Variants in NRG1 observed in about 807,000 individuals in gnomAD.
NRG1 encodes the protein pro-neuregulin-1, membrane-bound isoform.
Under a neutral mutation model 63.8 loss-of-function variants are expected in NRG1, and 18 were observed. The observed-to-expected ratio is 0.28, with a 90% CI of 0.19 to 0.42. NRG1 has a LOEUF of 0.42. Ranked by LOEUF, NRG1 falls within the 10% of genes least tolerant of loss-of-function variation. The pLI is 1.00. For synonymous variants in NRG1, 302 were observed against 301.3 expected, an observed-to-expected ratio of 1.00 and a Z score of -0.02; for missense variants, 762 against 814.7, an observed-to-expected ratio of 0.94 and a Z score of 0.79.
chr8:31,795,949 G>A (rs1466297619), intron 1 of NRG1, among the ~76,000 whole-genome samples: 1 of 152,166 alleles, frequency 6.6e-6, no homozygotes, highest in African/African-American at 2.4e-5. Flanking sequence ...GCCCTTTGGC[G>A]TATCGTAGAC....
chr8:32,051,711 C>G (rs1822006479), intron 1 of NRG1, among the ~76,000 whole-genome samples: 1 of 151,968 alleles, frequency 6.6e-6, no homozygotes, highest in Non-Finnish European at 1.5e-5. Context: ...ACAACAACAA[C>G]AACAACAAAT....
intron 1 of NRG1, among the ~76,000 whole-genome samples, chr8:32,261,482 T>C (rs1850368682): frequency 1.3e-5 from 2 of 152,080 alleles, no homozygotes; most frequent in Admixed American, 1.3e-4. Context: ...AAGATAGACA[T>C]TGCTGACACA....
intron 2 of NRG1, among the ~76,000 whole-genome samples, chr8:32,597,285 T>A (rs1843524585): frequency 6.6e-6 from 1 of 152,224 alleles, no homozygotes. Flanking sequence ...TACACATTCA[T>A]GAGCAAAGTG....
intron 1 of NRG1, among the ~76,000 whole-genome samples, chr8:32,066,620 A>G (rs4431558): frequency 0.94 from 143,007 of 151,446 alleles, 67,978 homozygotes; most frequent in East Asian, 1. Flanking sequence ...GTCAGGTAGC[A>G]TGATGCCTCC....
At chr8:31,934,024 G>A (rs1261591903) in intron 1 of NRG1, among the ~76,000 whole-genome samples, 1 of 152,102 alleles carries the variant, frequency 6.6e-6, no homozygotes, top group Non-Finnish European at 1.5e-5. Context: ...GAACTACAAA[G>A]AGAACTATAG....
chr8:32,052,859 A>C (rs1032924414), intron 1 of NRG1, among the ~76,000 whole-genome samples: 2 of 152,246 alleles, frequency 1.3e-5, no homozygotes, highest in Admixed American at 6.5e-5. Context: ...ACTGAGGAGA[A>C]CCAGGGTTCT....
chr8:32,014,186 C>G (rs1815157860), intron 1 of NRG1, among the ~76,000 whole-genome samples: 1 of 152,130 alleles, frequency 6.6e-6, no homozygotes, highest in Admixed American at 6.6e-5. Context: ...TATCTATGAG[C>G]ATGGGATGTT....
intron 1 of NRG1, among the ~76,000 whole-genome samples, chr8:32,124,091 A>G (rs527312722): frequency 2.6e-5 from 4 of 152,100 alleles, no homozygotes; most frequent in African/African-American, 9.6e-5. Flanking sequence ...AAAAACTTGG[A>G]TATAATGAAA....
chr8:32,485,477 G>A (rs1308093345), intron 1 of NRG1, among the ~76,000 whole-genome samples: 1 of 152,018 alleles, frequency 6.6e-6, no homozygotes, highest in Admixed American at 6.6e-5. Context: ...TTCCTTAATT[G>A]TTTACATATC....
In NRG1 at chr8:32,742,207, A is replaced by G. The variant is rs1174675009; in HGVS notation, c.633-468A>G. ...TATGGCTTAACCTCTCAAGGCATAA[A>G]CCCATTCAGTGTTACCTTATTTAAC... On this transcript the variant is annotated intron_variant, in intron 6 of 11. Transcript: ENST00000356819. The surrounding 1 kb of genome is among the most constrained non-coding windows in gnomAD (Gnocchi z 4.2). 4 of 739,438 alleles carry G rather than the reference A, an allele frequency of 5.4e-6. No individual in the cohort carries two copies. 45.8% of individuals were successfully genotyped at this position (739,438 alleles called of 1,614,324 possible). A position where few individuals can be genotyped will look rare whatever the true frequency, so the allele number is the denominator to read the frequency against.
At chr8:32,727,964 C>A in exon 6 of NRG1, 2 of 1,614,018 alleles carry the variant, frequency 1.2e-6, no homozygotes, top group Non-Finnish European at 1.7e-6. Context: ...TCTACATCCA[C>A]CACTGGGACA....
chr8:32,722,062 G>A (rs577788919), intron 5 of NRG1: 25 of 1,531,706 alleles, frequency 1.6e-5, no homozygotes, highest in Non-Finnish European at 2.2e-5. Context: ...AAAAAAATCT[G>A]TAATTTTGTA....
chr8:32,012,841 C>T (rs917269763), intron 1 of NRG1, among the ~76,000 whole-genome samples: 2 of 151,972 alleles, frequency 1.3e-5, no homozygotes, highest in Admixed American at 6.6e-5. Context: ...ATTTGGTGGG[C>T]TATGTGTATT....
At chr8:32,463,390 G>A (rs1822582521) in intron 1 of NRG1, among the ~76,000 whole-genome samples, 1 of 152,128 alleles carries the variant, frequency 6.6e-6, no homozygotes, top group South Asian at 2.1e-4. Flanking sequence ...TTCCATAATG[G>A]CTATAACAAT....
At chr8:31,926,107 T>G (rs1298224583) in intron 1 of NRG1, among the ~76,000 whole-genome samples, 1 of 152,204 alleles carries the variant, frequency 6.6e-6, no homozygotes, top group Non-Finnish European at 1.5e-5. Context: ...TAAGTACAGA[T>G]AGACCAGCTT....
intron 1 of NRG1, among the ~76,000 whole-genome samples, chr8:32,265,956 G>C (rs1007859461): frequency 6.6e-6 from 1 of 152,154 alleles, no homozygotes; most frequent in African/African-American, 2.4e-5. Context: ...AGGAAAGAAT[G>C]TATGTAGCTT....
chr8:32,042,112 C>T (rs1820156337), intron 1 of NRG1, among the ~76,000 whole-genome samples: 1 of 151,918 alleles, frequency 6.6e-6, no homozygotes, highest in Non-Finnish European at 1.5e-5. Context: ...GGATCTGTTG[C>T]CTGATTAAAA....
intron 1 of NRG1, among the ~76,000 whole-genome samples, chr8:32,361,713 A>G (rs534321332): frequency 7.2e-5 from 11 of 152,196 alleles, no homozygotes; most frequent in Non-Finnish European, 1.5e-4. Context: ...GCATCCATCT[A>G]TGTTCATTGC....
intron 1 of NRG1, among the ~76,000 whole-genome samples, chr8:31,923,438 C>T (rs1219344176): frequency 6.6e-6 from 1 of 151,678 alleles, no homozygotes. Flanking sequence ...CTAATAATAC[C>T]CTTGTGATAG....
Sources: allele counts gnomAD v4.1 joint callset (sites outside exome capture counted in the v4.1 genomes callset), GRCh38; gene constraint gnomAD v4.1.1; non-coding constraint Gnocchi (gnomAD v3.1); transcripts MANE v1.5; gene names NCBI Gene and HGNC (gene_info 2026-07-23, HGNC 2026-07-21).